ZFHX3: variants seen among roughly 807,000 people sequenced by gnomAD.
The protein encoded by ZFHX3 is zinc finger homeobox protein 3.
Under a neutral mutation model 279.1 loss-of-function variants are expected in ZFHX3, and 42 were observed. That is an observed-to-expected ratio of 0.15 (90% CI 0.12 to 0.19). The LOEUF is 0.19. ZFHX3 is among the 10% of genes least tolerant of loss of function. The probability of loss-of-function intolerance (pLI) is 1.00; values close to 1 mark genes in which losing one functional copy is unlikely to be tolerated. For missense variants in ZFHX3, 4,981 were observed against 4,754.0 expected (o/e 1.05, Z -1.40); for synonymous variants, 2,293 against 1,957.8 (o/e 1.17, Z -4.52).
chr16:73,326,602 T>A (rs13338122), intron 3 of ZFHX3, among the ~76,000 whole-genome samples: 32,886 of 151,890 alleles, frequency 0.22, 4,102 homozygotes, highest in African/African-American at 0.34. Context: ...TTGCCAAGGG[T>A]TGAGGGGGGA....
At chr16:73,023,515 C>G (rs1056650821) in intron 1 of ZFHX3, among the ~76,000 whole-genome samples, 11 of 152,164 alleles carry the variant, frequency 7.2e-5, no homozygotes, top group African/African-American at 2.7e-4. Flanking sequence ...TAATCATAAG[C>G]CACGAGGGCC....
At chr16:73,841,025 T>G (rs1207767703) in intron 1 of ZFHX3, among the ~76,000 whole-genome samples, 3 of 152,172 alleles carry the variant, frequency 2.0e-5, no homozygotes, top group Non-Finnish European at 4.4e-5. Context: ...ATGTGTTGAC[T>G]ACCATTCTCC....
intron 7 of ZFHX3, among the ~76,000 whole-genome samples, chr16:73,110,120 C>T (rs985435068): frequency 2.6e-5 from 4 of 151,372 alleles, no homozygotes; most frequent in South Asian, 2.1e-4. Context: ...AGGAGAATGG[C>T]GTGAACCTGG....
chr16:73,649,804 C>T (rs1424745791), intron 2 of ZFHX3, among the ~76,000 whole-genome samples: 2 of 152,116 alleles, frequency 1.3e-5, no homozygotes, highest in Non-Finnish European at 2.9e-5. Flanking sequence ...TGGTACTCAA[C>T]ATAGCAATAA....
intron 7 of ZFHX3, among the ~76,000 whole-genome samples, chr16:73,098,571 A>G (rs111714166): frequency 0.013 from 1,974 of 152,302 alleles, 46 homozygotes; most frequent in African/African-American, 0.045. Context: ...CATGTTGGCC[A>G]GGTTGGTCTT....
chr16:73,783,049 G>A (rs796887617), intron 1 of ZFHX3, among the ~76,000 whole-genome samples: 1 of 152,232 alleles, frequency 6.6e-6, no homozygotes, highest in African/African-American at 2.4e-5. Context: ...AGAGAGAGGG[G>A]GGCACTGAAA....
In ZFHX3 at chr16:72,908,568, T is replaced by C. The variant is rs149575272; in HGVS notation, c.3217-18606A>G. 2.6e-4 allele frequency among the ~76,000 whole-genome samples: 39 copies of C among 152,318 alleles called. 1 individual carries two copies. Among genetic ancestry groups the C allele is most frequent in the African/African-American group, 9.4e-4 (39 of 41,574 alleles). On this transcript the variant is annotated intron_variant, in intron 3 of 9. Transcript: ENST00000268489. ...TCACTTACCTTGCTAATGAAATCAT[T>C]GGGTTTTTCTGGGGAAGAACCTGTT...
At chr16:72,954,515 C>A (rs1244019677) in intron 2 of ZFHX3, among the ~76,000 whole-genome samples, 2 of 152,308 alleles carry the variant, frequency 1.3e-5, no homozygotes, top group East Asian at 3.9e-4. Context: ...GCCCACCCAT[C>A]AGCACATCCT....
At chr16:73,791,995 G>C (rs1012000906) in intron 1 of ZFHX3, among the ~76,000 whole-genome samples, 1 of 152,126 alleles carries the variant, frequency 6.6e-6, no homozygotes, top group African/African-American at 2.4e-5. Context: ...TCTAATGCCT[G>C]GTGATAAATC....
chr16:73,725,532 T>TCTGA (rs1555535245), intron 1 of ZFHX3, among the ~76,000 whole-genome samples: 4 of 147,642 alleles, frequency 2.7e-5, no homozygotes, highest in Non-Finnish European at 6.0e-5. Context: ...AGAGTGTGAG[T>TCTGA]GTGAGTGAGT....
intron 1 of ZFHX3, among the ~76,000 whole-genome samples, chr16:72,967,644 C>T (rs994475883): frequency 7.2e-5 from 11 of 151,764 alleles, no homozygotes; most frequent in African/African-American, 1.2e-4. Flanking sequence ...CTTCCGGGAG[C>T]GGTGGCTCAC....
intron 2 of ZFHX3, among the ~76,000 whole-genome samples, chr16:73,530,218 G>C (rs2019774511): frequency 1.3e-5 from 2 of 152,148 alleles, no homozygotes; most frequent in Non-Finnish European, 1.5e-5. Flanking sequence ...AAAATAATCA[G>C]ATCTCGTGAG....
chr16:73,046,236 T>A (rs1014480912), intron 1 of ZFHX3, among the ~76,000 whole-genome samples: 7 of 152,234 alleles, frequency 4.6e-5, no homozygotes, highest in African/African-American at 1.7e-4. Flanking sequence ...CTTCAATTAT[T>A]TGGAACCGTG....
intron 2 of ZFHX3, among the ~76,000 whole-genome samples, chr16:73,619,502 A>ATG (rs2052337602): frequency 6.8e-6 from 1 of 147,054 alleles, no homozygotes; most frequent in Admixed American, 6.8e-5. Flanking sequence ...AAAAAAAATT[A>ATG]TATATATATA....
At chr16:73,133,007 C>G (rs145301794) in intron 6 of ZFHX3, among the ~76,000 whole-genome samples, 388 of 152,288 alleles carry the variant, frequency 2.5e-3, no homozygotes, top group Middle Eastern at 6.8e-3. Flanking sequence ...GCCAGCTGCT[C>G]CAGTGATGAG....
At chr16:73,352,436 C>G (rs1597297211) in intron 3 of ZFHX3, among the ~76,000 whole-genome samples, 1 of 142,110 alleles carries the variant, frequency 7.0e-6, no homozygotes. Flanking sequence ...AACGGTGTCA[C>G]TATTTGTCAA....
intron 1 of ZFHX3, among the ~76,000 whole-genome samples, chr16:73,689,742 C>T (rs1027167539): frequency 2.0e-5 from 3 of 152,146 alleles, no homozygotes; most frequent in Admixed American, 1.3e-4. Context: ...TCTTAAGAAA[C>T]CATGGAAAAC....
At chr16:73,134,664 A>C (rs1253367755) in intron 6 of ZFHX3, 3 of 151,696 alleles carry the variant, frequency 2.0e-5, no homozygotes, top group Non-Finnish European at 2.9e-5. Flanking sequence ...TCTATTTCTA[A>C]GTCCCTGAGA....
At chr16:73,147,883 T>TA (rs1283364681) in intron 5 of ZFHX3, among the ~76,000 whole-genome samples, 1 of 151,818 alleles carries the variant, frequency 6.6e-6, no homozygotes, top group Non-Finnish European at 1.5e-5. Flanking sequence ...AAAACAAAAA[T>TA]AAAAAAACCC....
Sources: allele counts gnomAD v4.1 joint callset (sites outside exome capture counted in the v4.1 genomes callset), GRCh38; gene constraint gnomAD v4.1.1; transcripts MANE v1.5; gene names NCBI Gene and HGNC (gene_info 2026-07-23, HGNC 2026-07-21).